The following IFT140 variants were observed in gnomAD, a reference collection of about 807,000 sequenced individuals.
The protein encoded by IFT140 is intraflagellar transport protein 140 homolog.
In IFT140, 133 loss-of-function variants were observed where a neutral mutation model predicts 164.6. The ratio of observed to expected loss-of-function variants is 0.81; its 90% confidence interval spans 0.70 to 0.93. IFT140 has a LOEUF of 0.93. Among genes scored for constraint, IFT140 ranks in the 40% least tolerant of loss-of-function variants. The probability of loss-of-function intolerance (pLI) is 0.00; values close to 1 mark genes in which losing one functional copy is unlikely to be tolerated. For synonymous variants in IFT140, 860 were observed against 817.3 expected (o/e 1.05, Z -0.89); for missense variants, 2,045 against 1,972.3 (o/e 1.04, Z -0.70).
chr16:1,525,987 G>C lies in IFT140; in HGVS notation c.2668C>G (p.Gln890Glu). The change falls in exon 21 of 31, where the codon CAG becomes GAG. Residue 890 changes from glutamine to glutamate, a missense_variant. By Grantham distance (29) the Gln-to-Glu change is conservative. Coordinates refer to ENST00000426508, the MANE Select transcript of IFT140 (RefSeq NM_014714.4). Reference sequence around the variant, plus strand: ...ACGCGATCGTGGTGCTCGGCTACCTGGAGGGCCTCCTGCCACCGGCCCGCA... The same window carrying C: ...ACGCGATCGTGGTGCTCGGCTACCTCGAGGGCCTCCTGCCACCGGCCCGCA... ...QAAGRWQEAL[Q>E]VAEHHDRVHL... 6.3e-7 allele frequency: 1 copy of C among 1,596,392 alleles called. No homozygotes were observed. The highest frequency in any genetic ancestry group is 1.1e-5 in the South Asian group (1 of 88,188).
rs34900355 is a variant in IFT140, at chr16:1,564,056, G to A, written c.2008C>T (p.Pro670Ser). ...LFVCEAVQET[P>S]RSQPQSANGQ... ...TTTGCAGACTGAGGCTGGGAGCGCG[G>A]CGTCTCCTGCACGGCTTCGCATACA... Residue 670 changes from proline (P) to serine (S), a missense_variant, in exon 17 of 31, where the codon CCG (proline) becomes TCG (serine). Transcript: ENST00000426508. The surrounding 1 kb of genome is among the most constrained non-coding windows in gnomAD (Gnocchi z 5.5). 6,346 of 1,602,258 alleles carry A rather than the reference G, an allele frequency of 4.0e-3. 217 individuals are homozygous for A. In the African/African-American group the frequency reaches 0.071, roughly 18 times the overall value.
At chr16:1,518,136 C>T (rs1423338450) in intron 30 of IFT140, 80 bp downstream of exon 30, 1 of 1,434,258 alleles carries the variant, frequency 7.0e-7, no homozygotes, top group Non-Finnish European at 9.6e-7. Context: ...CCACACACAG[C>T]CTCAGTTTGA....
chr16:1,584,687 G>A (rs1487910428), intron 10 of IFT140, among the ~76,000 whole-genome samples: 1 of 152,154 alleles, frequency 6.6e-6, no homozygotes, highest in East Asian at 1.9e-4. Context: ...TGGGAAGAGC[G>A]TTTTCTAGAG....
chr16:1,607,026 A>G, intron 3 of IFT140, 94 bp downstream of exon 3: 2 of 1,276,092 alleles, frequency 1.6e-6, no homozygotes, highest in Non-Finnish European at 2.2e-6. Flanking sequence ...CCATAGGCAC[A>G]CACACACATG....
At chr16:1,578,174 C>T (rs1368459631) in intron 13 of IFT140, 2 of 152,104 alleles carry the variant, frequency 1.3e-5, no homozygotes, top group Non-Finnish European at 2.9e-5. Flanking sequence ...AGACAGAAGT[C>T]CTACACAGAG....
intron 2 of IFT140, among the ~76,000 whole-genome samples, chr16:1,609,452 G>A (rs2036234621): frequency 6.6e-6 from 1 of 152,092 alleles, no homozygotes; most frequent in Non-Finnish European, 1.5e-5. Flanking sequence ...GCGCTTCTCC[G>A]TGGCTGCATT....
intron 24 of IFT140, chr16:1,524,316 C>CG (rs1160317440): frequency 1.9e-5 from 12 of 641,016 alleles, no homozygotes. Context: ...CACTCAGGAG[C>CG]CCTGGAGCCT....
At chr16:1,584,446 G>A (rs768222261) in intron 10 of IFT140, 26 bp from the exon 11 acceptor site, 1 of 1,567,276 alleles carries the variant, frequency 6.4e-7, no homozygotes, top group South Asian at 1.2e-5. Flanking sequence ...GCAAGAGAAA[G>A]AACCAGATGT....
chr16:1,553,270 C>T lies in IFT140; in HGVS notation c.2399+4665G>A, dbSNP rs2032823630. On this transcript the variant is annotated intron_variant, in intron 19 of 30. Coordinates refer to ENST00000426508, the MANE Select transcript of IFT140 (RefSeq NM_014714.4). This position sits in a 1 kb window ranked among gnomAD's most constrained non-coding sequence, Gnocchi z 4.4. ...TCTGTCTCTCTGTATCTCTCTTGGT[C>T]TCTGTCTCTCTGTGTCTCTGCCTGT... is the stretch of plus-strand genomic sequence containing the variant. 4 of 979,698 alleles carry T rather than the reference C, an allele frequency of 4.1e-6. No homozygotes were observed. Among genetic ancestry groups the T allele is most frequent in the Admixed American group, 6.2e-5 (1 of 16,234 alleles). 60.7% of individuals were successfully genotyped at this position (979,698 alleles called of 1,614,324 possible). A position where few individuals can be genotyped will look rare whatever the true frequency, so the allele number is the denominator to read the frequency against.
chr16:1,582,986 CAGAGG>C (rs2034656379), intron 12 of IFT140, among the ~76,000 whole-genome samples: 1 of 152,222 alleles, frequency 6.6e-6, no homozygotes, highest in Non-Finnish European at 1.5e-5. Context: ...AAGTTTCAGA[CAGAGG>C]CTGGCCTTGG....
At chr16:1,543,812 C>T (rs2031889598) in intron 19 of IFT140, among the ~76,000 whole-genome samples, 1 of 152,188 alleles carries the variant, frequency 6.6e-6, no homozygotes, top group East Asian at 1.9e-4. Context: ...AAGTGGTTTT[C>T]CTGTCTCACT....
At chr16:1,593,023 ACAGGTGTCCTGGCAGAGTGACTGGTGGT>A in intron 4 of IFT140, among the ~76,000 whole-genome samples, 1 of 149,970 alleles carries the variant, frequency 6.7e-6, no homozygotes, top group African/African-American at 2.5e-5. Flanking sequence ...TGGTGGTGGG[ACAGGTGTCCTGGCAGAGTGACTGGTGGT>A]GGGACAGGTG....
At chr16:1,577,855 T>TA (rs539219664) in intron 13 of IFT140, 16 of 144,792 alleles carry the variant, frequency 1.1e-4, no homozygotes, top group East Asian at 2.0e-4. Context: ...AACCCCAACT[T>TA]AAAAAAAAAA....
chr16:1,596,477 T>C (rs1187409901), intron 4 of IFT140, among the ~76,000 whole-genome samples: 2 of 151,440 alleles, frequency 1.3e-5, no homozygotes, highest in African/African-American at 4.8e-5. Context: ...ACCTGGAATG[T>C]CCAAGTTTCC....
intron 22 of IFT140, 55 bp downstream of exon 22, chr16:1,525,176 C>T: frequency 7.1e-7 from 1 of 1,408,060 alleles, no homozygotes; most frequent in Non-Finnish European, 1.0e-6. Flanking sequence ...CCCTGGGGTC[C>T]CTGCAAACCT....
chr16:1,553,438 A>T lies in IFT140; in HGVS notation c.2399+4497T>A. The T allele has an allele frequency of 1.0e-6, 1 of 985,394 alleles. No homozygotes were observed. The highest frequency in any genetic ancestry group is 1.2e-6 in the Non-Finnish European group (1 of 829,926). 61.0% of individuals were successfully genotyped at this position (985,394 alleles called of 1,614,324 possible). On this transcript the variant is annotated intron_variant, in intron 19 of 30. Coordinates refer to ENST00000426508, the MANE Select transcript of IFT140 (RefSeq NM_014714.4). The surrounding 1 kb of genome is among the most constrained non-coding windows in gnomAD (Gnocchi z 4.4). ...GGCGGTTGGGAGTGGAGAGACCGGC[A>T]TGAACAGACGCACAGGTGTCAACAT...
chr16:1,569,510 CCTT>C (rs2033911345), intron 14 of IFT140, among the ~76,000 whole-genome samples: 1 of 145,786 alleles, frequency 6.9e-6, no homozygotes, highest in African/African-American at 2.5e-5. Context: ...CCCTTCTTTC[CCTT>C]TTTTCTTTCT....
intron 15 of IFT140, 110 bp downstream of exon 15, chr16:1,568,107 G>T: frequency 1.3e-6 from 1 of 751,554 alleles, no homozygotes; most frequent in Non-Finnish European, 2.3e-6. Context: ...ACAGAACACA[G>T]GACAGGAAGA....
At chr16:1,584,962 C>G (rs746813405) in intron 10 of IFT140, among the ~76,000 whole-genome samples, 4 of 152,136 alleles carry the variant, frequency 2.6e-5, no homozygotes, top group Admixed American at 6.6e-5. Context: ...TTGGACTTAG[C>G]AAAGACTTCA....
Sources: gnomAD v4.1 joint callset for allele counts (sites outside exome capture counted in the v4.1 genomes callset) on GRCh38, gnomAD v4.1.1 for gene constraint, Gnocchi (gnomAD v3.1) non-coding constraint, MANE v1.5 for transcripts, NCBI Gene and HGNC (gene_info 2026-07-23, HGNC 2026-07-21) for gene names.